ICE1: variants seen among roughly 807,000 people sequenced by gnomAD.
The protein encoded by ICE1 is interactor of little elongation complex ELL subunit 1.
ICE1 carries 64 observed loss-of-function variants against 192.7 expected under a neutral mutation model. That is an observed-to-expected ratio of 0.33 (90% CI 0.27 to 0.41). The LOEUF (loss-of-function observed/expected upper bound fraction) is 0.41. Ranked by LOEUF, ICE1 falls within the 10% of genes least tolerant of loss-of-function variation. The pLI is 1.00. For synonymous variants in ICE1, 1,010 were observed against 984.5 expected (o/e 1.03, Z -0.49); for missense variants, 2,708 against 2,696.0 (o/e 1.00, Z -0.10).
chr5:5,481,861 A>G (rs1739512090), intron 17 of ICE1, among the ~76,000 whole-genome samples: 1 of 152,204 alleles, frequency 6.6e-6, no homozygotes, highest in Admixed American at 6.5e-5. Context: ...GTAGCCTATC[A>G]GTAGGCTACC....
chr5:5,422,885 G>A lies in ICE1; in HGVS notation c.-31G>A. On this transcript the variant is annotated 5_prime_UTR_variant, in exon 1 of 19. It adds an upstream start codon to the 5' untranslated region. Coordinates refer to ENST00000296564, the MANE Select transcript of ICE1 (RefSeq NM_015325.3). ...GGCCGACGCCGCGGGCCCCTGAGGC[G>A]TGCGTGCCCACCGGGCCCGGCGGCG... is the stretch of plus-strand genomic sequence containing the variant. The A allele has an allele frequency of 7.4e-7, 1 of 1,344,406 alleles. No individual in the cohort carries two copies. Among genetic ancestry groups the A allele is most frequent in the Non-Finnish European group, 9.5e-7 (1 of 1,048,898 alleles). 83.3% of individuals were successfully genotyped at this position (1,344,406 alleles called of 1,614,324 possible). A position where few individuals can be genotyped will look rare whatever the true frequency, so the allele number is the denominator to read the frequency against.
chr5:5,445,579 G>A (rs1037882197), intron 7 of ICE1, among the ~76,000 whole-genome samples: 13 of 151,672 alleles, frequency 8.6e-5, no homozygotes, highest in Admixed American at 7.9e-4. Flanking sequence ...CTACAGGCAC[G>A]CACCACCAAA....
At chr5:5,450,699 G>A (rs1420905378) in intron 10 of ICE1, among the ~76,000 whole-genome samples, 1 of 152,186 alleles carries the variant, frequency 6.6e-6, no homozygotes, top group Non-Finnish European at 1.5e-5. Flanking sequence ...TCCAAGCAAT[G>A]CTGACATTAA....
chr5:5,443,769 G>A (rs575377268), intron 6 of ICE1, among the ~76,000 whole-genome samples: 4 of 152,300 alleles, frequency 2.6e-5, no homozygotes, highest in African/African-American at 4.8e-5. Flanking sequence ...CACAACAAAT[G>A]TGAGCTATAC....
In ICE1 at chr5:5,468,973, T is replaced by C; in HGVS notation, c.6207T>C (p.Phe2069=). 1.3e-6 allele frequency: 2 copies of C among 1,512,808 alleles called. No homozygotes were observed. The highest frequency in any genetic ancestry group is 1.4e-5 in the South Asian group (1 of 69,888). 93.7% of individuals were successfully genotyped at this position (1,512,808 alleles called of 1,614,324 possible). A position where few individuals can be genotyped will look rare whatever the true frequency, so the allele number is the denominator to read the frequency against. ...KGEVLNCLRA[F]LNWEKNAPVD... ...AGGTTCTGAACTGCTTGAGAGCTTT[T>C]CTTAATTGGGAAAAGGTGAGCCATA... The change falls in exon 15 of 19, where the codon TTT becomes TTC. Residue 2069 remains phenylalanine, a synonymous_variant. Transcript: ENST00000296564.
intron 16 of ICE1, 27 bp downstream of exon 16, chr5:5,473,775 A>C: frequency 6.8e-7 from 1 of 1,481,258 alleles, no homozygotes; most frequent in Non-Finnish European, 9.1e-7. Flanking sequence ...ATTTAAATAA[A>C]GATATGTTAT....
chr5:5,439,289 C>T (rs749299395), intron 3 of ICE1, among the ~76,000 whole-genome samples: 19 of 151,976 alleles, frequency 1.3e-4, no homozygotes, highest in Non-Finnish European at 2.5e-4. Flanking sequence ...TTTTTATGAA[C>T]GTACATGTCC....
chr5:5,472,104 A>G (rs1739170950), intron 15 of ICE1, among the ~76,000 whole-genome samples: 1 of 152,194 alleles, frequency 6.6e-6, no homozygotes, highest in Non-Finnish European at 1.5e-5. Flanking sequence ...ACAGATTCAC[A>G]TTTCCTAAAT....
Position 5,462,532 on chromosome 5 carries a change from C to A in ICE1, c.3198C>A (p.Thr1066=). ...GTGCTTTGCCTGAGTGTTTTGGCAC[C>A]ACAGACACTACTTTTTCTTCAGCAT... ...PGGALPECFG[T]TDTTFSSAFC... Residue 1066 remains threonine (T), a synonymous_variant, in exon 13 of 19, where the codon ACC becomes ACA. Transcript: ENST00000296564. 1.2e-6 allele frequency: 2 copies of A among 1,613,940 alleles called. No homozygotes were observed. The highest frequency in any genetic ancestry group is 1.7e-6 in the Non-Finnish European group (2 of 1,179,872).
At chr5:5,434,048 C>G (rs1579539355) in intron 1 of ICE1, among the ~76,000 whole-genome samples, 1 of 151,942 alleles carries the variant, frequency 6.6e-6, no homozygotes, top group Non-Finnish European at 1.5e-5. Flanking sequence ...GCTGCTTTAT[C>G]ATTAGAAAAT....
chr5:5,429,664 A>C (rs1241018466), intron 1 of ICE1, among the ~76,000 whole-genome samples: 1 of 152,102 alleles, frequency 6.6e-6, no homozygotes, highest in African/African-American at 2.4e-5. Context: ...CCTTAGCATA[A>C]CCATTTTCCT....
rs1476158566 is a variant in ICE1, at chr5:5,447,525, A to G, written c.507+16A>G. 2.0e-6 allele frequency: 3 copies of G among 1,528,166 alleles called. No homozygotes were observed. The South Asian group carries it at 3.6e-5, about 18-fold the overall frequency. The allele number at this position is 1,528,166 out of a possible 1,614,324, so 94.7% of individuals were successfully genotyped here. ...GAAGACACAGGTACTAGATAAAAGC[A>G]GCATACACACACCTTAAATACGTGG... On this transcript the variant is annotated intron_variant, in intron 8 of 18. Coordinates refer to ENST00000296564, the MANE Select transcript of ICE1 (RefSeq NM_015325.3).
intron 1 of ICE1, among the ~76,000 whole-genome samples, chr5:5,435,634 C>T (rs1477091093): frequency 1.4e-5 from 2 of 146,460 alleles, no homozygotes; most frequent in East Asian, 2.0e-4. Flanking sequence ...GGGTTGATAG[C>T]GGTAATTTAG....
Position 5,444,357 on chromosome 5 carries a change from C to T in ICE1, c.424+31C>T, listed in dbSNP as rs577530073. On this transcript the variant is annotated intron_variant, in intron 7 of 18. Transcript: ENST00000296564. ...TGGCACTATTGTTACCTGAAGTTTT[C>T]GGTCAGTACAAAAATCACTGGTAAC... 88 of 1,520,442 alleles carry T rather than the reference C, an allele frequency of 5.8e-5. No individual in the cohort carries two copies. The East Asian group carries it at 1.1e-3, about 19-fold the overall frequency. The allele number at this position is 1,520,442 out of a possible 1,614,324, so 94.2% of individuals were successfully genotyped here. A position where few individuals can be genotyped will look rare whatever the true frequency, so the allele number is the denominator to read the frequency against.
rs370147063 is a variant in ICE1, at chr5:5,431,566, T to C, written c.85-4852T>C. Among the ~76,000 whole-genome samples, 6 of 152,242 alleles carry C rather than the reference T, an allele frequency of 3.9e-5. No individual in the cohort carries two copies. The East Asian group carries it at 1.2e-3, about 29-fold the overall frequency. Reference sequence around the variant, plus strand: ...TGTAGAATTTTATCTTGGAATTACTTGCCCTTTGCCATTTCGAAGGCTTGC... The same window carrying C: ...TGTAGAATTTTATCTTGGAATTACTCGCCCTTTGCCATTTCGAAGGCTTGC... On this transcript the variant is annotated intron_variant, in intron 1 of 18. Transcript: ENST00000296564.
At chr5:5,439,847 G>A (rs1281363889) in intron 3 of ICE1, 48 bp from the exon 4 acceptor site, 2 of 1,324,626 alleles carry the variant, frequency 1.5e-6, no homozygotes, top group East Asian at 2.6e-5. Context: ...TATCTCCAGA[G>A]AAGTATCAGA....
At position 5,462,890 on chromosome 5, in the gene ICE1, G is replaced by T; in HGVS notation, c.3556G>T (p.Asp1186Tyr). ...VMFLESCQLG[D>Y]YSSGDSVSEC... The stretch of plus-strand genomic sequence containing the variant: ...GTTTCTTGAGAGCTGTCAGTTAGGG[G>T]ATTATAGTTCAGGGGACTCTGTTTC... The change falls in exon 13 of 19, where the codon GAT (aspartate) becomes TAT (tyrosine). Residue 1186 changes from aspartate (D) to tyrosine (Y), a missense_variant. Asp to Tyr is a radical substitution (Grantham distance 160, BLOSUM62 -3). Around this residue, in one of 2 missense-constraint regions of ICE1, gnomAD observed 2,366 missense variants for 2,276.6 expected, o/e 1.04. Coordinates refer to ENST00000296564, the MANE Select transcript of ICE1 (RefSeq NM_015325.3). 1.9e-6 allele frequency: 3 copies of T among 1,609,058 alleles called. No individual in the cohort carries two copies. The highest frequency in any genetic ancestry group is 2.5e-6 in the Non-Finnish European group (3 of 1,177,260).
intron 18 of ICE1, among the ~76,000 whole-genome samples, chr5:5,488,763 T>C (rs1278981852): frequency 1.3e-5 from 2 of 152,108 alleles, no homozygotes; most frequent in Non-Finnish European, 2.9e-5. Flanking sequence ...TCTCATAGAG[T>C]CATATGTTTA....
intron 5 of ICE1, among the ~76,000 whole-genome samples, chr5:5,441,506 A>G (rs894308506): frequency 6.6e-6 from 1 of 152,242 alleles, no homozygotes; most frequent in African/African-American, 2.4e-5. Flanking sequence ...TGTGTTCTGC[A>G]TTAATTGATT....
Sources: allele counts gnomAD v4.1 joint callset (sites outside exome capture counted in the v4.1 genomes callset), GRCh38; gene constraint gnomAD v4.1.1; regional missense constraint gnomAD v4.1.1; transcripts MANE v1.5; gene names NCBI Gene and HGNC (gene_info 2026-07-23, HGNC 2026-07-21).